The following ILDR1 variants were observed in gnomAD, a reference collection of about 807,000 sequenced individuals.
The protein encoded by ILDR1 is immunoglobulin-like domain-containing receptor 1.
A neutral mutation model predicts 62.4 loss-of-function variants in ILDR1; 56 were observed. The observed-to-expected ratio is 0.90, with a 90% CI of 0.72 to 1.12. ILDR1 has a LOEUF of 1.12. ILDR1 is among the 50% of genes most tolerant of loss of function. The probability of loss-of-function intolerance (pLI) is 0.00; values close to 1 mark genes in which losing one functional copy is unlikely to be tolerated. For synonymous variants in ILDR1, 284 were observed against 277.8 expected, an observed-to-expected ratio of 1.02 and a Z score of -0.22; for missense variants, 736 against 710.6, an observed-to-expected ratio of 1.04 and a Z score of -0.41.
Position 122,005,109 on chromosome 3 carries a change from C to G in ILDR1, c.379+135G>C. 4 of 689,016 alleles carry G rather than the reference C, an allele frequency of 5.8e-6. 1 individual carries two copies. The highest frequency in any genetic ancestry group is 3.7e-5 in the South Asian group (2 of 54,558). The allele number at this position is 689,016 out of a possible 1,614,324, so 42.7% of individuals were successfully genotyped here. A position where few individuals can be genotyped will look rare whatever the true frequency, so the allele number is the denominator to read the frequency against. ...CATTCTATGAAGCTGGCACTTTCCTCAAACAATGACAGTGACCAAGTAGAC... is the reference window on the plus strand; with the variant it reads ...CATTCTATGAAGCTGGCACTTTCCTGAAACAATGACAGTGACCAAGTAGAC... On this transcript the variant is annotated intron_variant, in intron 3 of 7. Transcript: ENST00000344209.
At chr3:122,028,627 A>G in the ILDR1 span, among the ~76,000 whole-genome samples, 1 of 152,376 alleles carries the variant, frequency 6.6e-6, no homozygotes, top group South Asian at 2.1e-4. Context: ...AGGCAGATAA[A>G]CATGTAATTC....
intron 7 of ILDR1, among the ~76,000 whole-genome samples, chr3:121,990,531 A>G (rs916315919): frequency 1.3e-5 from 2 of 152,250 alleles, no homozygotes; most frequent in Admixed American, 6.5e-5. Flanking sequence ...TGATATTTTC[A>G]GAAAATTAGG....
the ILDR1 span, among the ~76,000 whole-genome samples, chr3:122,059,875 T>C: frequency 6.6e-6 from 1 of 152,226 alleles, no homozygotes; most frequent in East Asian, 1.9e-4. Context: ...GGAAAAGCGG[T>C]GTGAAGACAC....
the ILDR1 span, among the ~76,000 whole-genome samples, chr3:122,032,453 G>C: frequency 2.6e-5 from 4 of 152,098 alleles, no homozygotes; most frequent in Non-Finnish European, 5.9e-5. Context: ...ATTGTTTTGA[G>C]GGTCACCCAT....
chr3:122,002,448 C>A (rs544280142), intron 3 of ILDR1, among the ~76,000 whole-genome samples: 1 of 152,116 alleles, frequency 6.6e-6, no homozygotes, highest in Admixed American at 6.5e-5. Context: ...GAGCAGTTAT[C>A]TCTGGATCCT....
chr3:122,042,755 T>C, the ILDR1 span, among the ~76,000 whole-genome samples: 7 of 151,992 alleles, frequency 4.6e-5, no homozygotes, highest in African/African-American at 1.7e-4. Context: ...CACTTTTTGA[T>C]GGGGTTGTTT....
chr3:122,007,657 T>C (rs2071635634), intron 1 of ILDR1, among the ~76,000 whole-genome samples: 1 of 152,194 alleles, frequency 6.6e-6, no homozygotes, highest in South Asian at 2.1e-4. Flanking sequence ...CATTCTGAGC[T>C]TTCTTCAGTC....
chr3:122,030,623 T>TCTCTCTCTCTC, the ILDR1 span, among the ~76,000 whole-genome samples: 34 of 147,526 alleles, frequency 2.3e-4, no homozygotes, highest in African/African-American at 8.5e-4. Flanking sequence ...GCAAGGGTTT[T>TCTCTCTCTCTC]TCTCTCTCTC....
the ILDR1 span, among the ~76,000 whole-genome samples, chr3:122,054,419 C>A: frequency 2.0e-5 from 3 of 151,788 alleles, no homozygotes; most frequent in Admixed American, 2.0e-4. Context: ...GTTTTCTTGC[C>A]TGCTTGGTGA....
the ILDR1 span, among the ~76,000 whole-genome samples, chr3:122,045,388 T>C: frequency 1.1e-4 from 17 of 151,956 alleles, no homozygotes; most frequent in South Asian, 2.5e-3. Flanking sequence ...AAAAAATGTA[T>C]ATTGTGTTGA....
chr3:122,025,456 C>A (rs2071911765), upstream of ILDR1, among the ~76,000 whole-genome samples: 1 of 152,184 alleles, frequency 6.6e-6, no homozygotes, highest in Non-Finnish European at 1.5e-5. Context: ...AGTAGCAGAG[C>A]TGAGATGCAA....
intron 2 of ILDR1, among the ~76,000 whole-genome samples, chr3:122,006,583 C>A (rs371211177): frequency 2.0e-5 from 3 of 151,580 alleles, no homozygotes; most frequent in African/African-American, 4.8e-5. Context: ...AGAGACTTCA[C>A]AAATGACCAC....
Position 121,988,372 on chromosome 3 carries a change from TG to T in ILDR1, c.1635del (p.Ile546PhefsTer34). 1 of 1,613,644 alleles carries T rather than the reference TG, an allele frequency of 6.2e-7. No individual in the cohort carries two copies. Among genetic ancestry groups the T allele is most frequent in the Non-Finnish European group, 8.5e-7 (1 of 1,179,580 alleles). ...KDSSHSGRSV[V>X]I ...AGTTGTGCTGTGCTTGGTGACTAAA[TG>T]ACCACACTCCTTCCACTATGAGAGC... On this transcript the variant is annotated frameshift_variant, in exon 8 of 8. Coordinates refer to ENST00000344209, the MANE Select transcript of ILDR1 (RefSeq NM_001199799.2). LOFTEE classifies it high-confidence loss of function.
At chr3:122,018,188 T>C (rs560396106) in intron 1 of ILDR1, among the ~76,000 whole-genome samples, 2 of 152,270 alleles carry the variant, frequency 1.3e-5, no homozygotes, top group African/African-American at 4.8e-5. Context: ...GTGGCACATA[T>C]ACACCATGGA....
At chr3:122,034,611 T>C in the ILDR1 span, among the ~76,000 whole-genome samples, 2 of 152,120 alleles carry the variant, frequency 1.3e-5, no homozygotes, top group Admixed American at 6.5e-5. Flanking sequence ...GTAAACCCCT[T>C]AGTGTTCACA....
intron 1 of ILDR1, among the ~76,000 whole-genome samples, chr3:122,008,421 G>C (rs2071647184): frequency 6.6e-6 from 1 of 152,140 alleles, no homozygotes; most frequent in African/African-American, 2.4e-5. Flanking sequence ...GGGTTCTCTA[G>C]TGGGAGGTTT....
intron 7 of ILDR1, among the ~76,000 whole-genome samples, chr3:121,989,598 C>A (rs1324050238): frequency 6.6e-6 from 1 of 152,182 alleles, no homozygotes; most frequent in Non-Finnish European, 1.5e-5. Flanking sequence ...AGTCCAGGAG[C>A]CTGGGCCACT....
At chr3:121,997,324 C>A (rs1806656) in intron 5 of ILDR1, among the ~76,000 whole-genome samples, 1 of 152,036 alleles carries the variant, frequency 6.6e-6, no homozygotes, top group African/African-American at 2.4e-5. Flanking sequence ...AATCTGATGC[C>A]CCTTTGAACT....
At chr3:122,005,210 C>A in intron 3 of ILDR1, 34 bp downstream of exon 3, 2 of 1,198,852 alleles carry the variant, frequency 1.7e-6, no homozygotes, top group South Asian at 2.5e-5. Context: ...CCTCCCCCCA[C>A]CCCCAGTTCC....
Sources: gnomAD v4.1 joint callset for allele counts (sites outside exome capture counted in the v4.1 genomes callset) on GRCh38, gnomAD v4.1.1 for gene constraint, MANE v1.5 for transcripts, NCBI Gene and HGNC (gene_info 2026-07-23, HGNC 2026-07-21) for gene names.